Variants in PTPN2 observed in about 807,000 individuals in gnomAD.
PTPN2 encodes protein tyrosine phosphatase non-receptor type 2.
A neutral mutation model predicts 57.3 loss-of-function variants in PTPN2; 19 were observed. That is an observed-to-expected ratio of 0.33 (90% CI 0.23 to 0.49). The LOEUF (loss-of-function observed/expected upper bound fraction) is 0.49, where lower values mean the gene tolerates loss of function less well. Ranked by LOEUF, PTPN2 falls within the 20% of genes least tolerant of loss-of-function variation. PTPN2 has a pLI of 0.99. For synonymous variants in PTPN2, 153 were observed against 164.9 expected (o/e 0.93, Z 0.55); for missense variants, 358 against 501.1 (o/e 0.71, Z 2.73).
intron 2 of PTPN2, 60 bp from the exon 3 acceptor site, chr18:12,836,951 T>G: frequency 1.0e-6 from 1 of 997,016 alleles, no homozygotes; most frequent in Non-Finnish European, 1.6e-6. Context: ...TTTATCTTCA[T>G]ATTAATATTC....
At position 12,830,887 on chromosome 18, in the gene PTPN2, T is replaced by C. The variant is rs1377714099; in HGVS notation, c.360+56A>G. The C allele has an allele frequency of 3.0e-6, 4 of 1,321,560 alleles. No individual in the cohort carries two copies. The African/African-American group carries it at 5.8e-5, about 19-fold the overall frequency. The allele number at this position is 1,321,560 out of a possible 1,614,324, so 81.9% of individuals were successfully genotyped here. ...ATATTGGCCCCAAAATGAAAATCTT[T>C]ATATGCTAATGATCACATACAGTAT... On this transcript the variant is annotated intron_variant, in intron 4 of 8. Transcript: ENST00000309660.
At chr18:12,836,543 CT>C (rs1299966312) in intron 3 of PTPN2, among the ~76,000 whole-genome samples, 2 of 152,234 alleles carry the variant, frequency 1.3e-5, no homozygotes, top group Non-Finnish European at 1.5e-5. Flanking sequence ...TGCCAAAGAA[CT>C]GGCCTAAGCC....
chr18:12,847,558 G>A (rs1053719310), intron 2 of PTPN2, among the ~76,000 whole-genome samples: 10 of 151,800 alleles, frequency 6.6e-5, no homozygotes, highest in South Asian at 2.1e-4. Flanking sequence ...TCAATAGCCC[G>A]CAGGAATAAA....
chr18:12,821,870 G>A (rs577431021), intron 5 of PTPN2, among the ~76,000 whole-genome samples: 1 of 152,310 alleles, frequency 6.6e-6, no homozygotes, highest in Admixed American at 6.5e-5. Flanking sequence ...ATGGTGGAAA[G>A]ATTGCATCTG....
rs763240651 is a variant in PTPN2 at position 12,801,996 on chromosome 18, T to G, written c.1014A>C (p.Gln338His). Residue 338 changes from glutamine (Q) to histidine (H), a missense_variant, in exon 8 of 9, where the codon CAA becomes CAC. Gln to His is a conservative substitution (Grantham distance 24). Around this residue, in one of 4 missense-constraint regions of PTPN2, gnomAD observed 96 missense variants for 110.8 expected, o/e 0.87. Transcript: ENST00000309660. ...DRCTGLSSKM[Q>H]DTMEENSESA... ...TCTCACTGTTCTCCTCCATTGTATC[T>G]TGCATTTTAGAGGAAAGTCCTGTAC... is the stretch of plus-strand genomic sequence containing the variant. 1 of 1,609,376 alleles carries G rather than the reference T, an allele frequency of 6.2e-7. No homozygotes were observed. Among genetic ancestry groups the G allele is most frequent in the Non-Finnish European group, 8.5e-7 (1 of 1,178,396 alleles).
At chr18:12,837,008 T>C (rs1204846608) in intron 2 of PTPN2, 117 bp from the exon 3 acceptor site, 1 of 668,442 alleles carries the variant, frequency 1.5e-6, no homozygotes, top group Non-Finnish European at 2.5e-6. Context: ...TGAATTAGCA[T>C]CATAATAGAG....
intron 7 of PTPN2, among the ~76,000 whole-genome samples, chr18:12,812,923 ACT>A (rs952121077): frequency 3.9e-5 from 6 of 152,026 alleles, no homozygotes; most frequent in African/African-American, 1.4e-4. Context: ...ACTGTCAAAG[ACT>A]CCACAAAAAA....
At chr18:12,837,005 G>T in intron 2 of PTPN2, 114 bp from the exon 3 acceptor site, 1 of 674,354 alleles carries the variant, frequency 1.5e-6, no homozygotes, top group Non-Finnish European at 2.5e-6. Context: ...AAATGAATTA[G>T]CATCATAATA....
In PTPN2 at chr18:12,865,453, A is replaced by G. The variant is rs79936849; in HGVS notation, c.70-6199T>C. ...CTGTCTTTATTAAAAAAAAAAAAAA[A>G]AGAGAGAGGCGGGGCACAGTGGCTC... On this transcript the variant is annotated intron_variant, in intron 1 of 8. Transcript: ENST00000309660. Among the ~76,000 whole-genome samples the G allele has an allele frequency of 9.0e-3, 1,359 of 150,526 alleles. 22 individuals are homozygous for G. Among genetic ancestry groups the G allele is most frequent in the African/African-American group, 0.027 (1,109 of 40,892 alleles).
chr18:12,823,700 A>G (rs1166700077), intron 5 of PTPN2, among the ~76,000 whole-genome samples: 1 of 152,150 alleles, frequency 6.6e-6, no homozygotes, highest in Non-Finnish European at 1.5e-5. Context: ...AGGAGAACTA[A>G]TGAGATCAGT....
intron 1 of PTPN2, among the ~76,000 whole-genome samples, chr18:12,883,042 G>C (rs879743035): frequency 3.3e-5 from 5 of 152,158 alleles, no homozygotes; most frequent in African/African-American, 4.8e-5. Flanking sequence ...CGAATCACAG[G>C]TGTTTATACT....
intron 2 of PTPN2, among the ~76,000 whole-genome samples, chr18:12,838,809 C>T (rs1228449780): frequency 1.3e-5 from 2 of 151,996 alleles, no homozygotes; most frequent in Non-Finnish European, 2.9e-5. Flanking sequence ...CTTCTCAAGG[C>T]TGATTAAAAA....
chr18:12,858,687 T>C (rs1327700348), intron 2 of PTPN2, among the ~76,000 whole-genome samples: 1 of 152,236 alleles, frequency 6.6e-6, no homozygotes. Flanking sequence ...CCCAAGTTAT[T>C]ATTTATTTTT....
intron 8 of PTPN2, among the ~76,000 whole-genome samples, chr18:12,794,773 C>T (rs2041105738): frequency 6.6e-6 from 1 of 152,138 alleles, no homozygotes; most frequent in African/African-American, 2.4e-5. Flanking sequence ...AGGCGTGCAC[C>T]ACTATGCCCA....
At chr18:12,883,979 C>CGAGAGGCGG in intron 1 of PTPN2, 94 bp downstream of exon 1, 4 of 1,154,768 alleles carry the variant, frequency 3.5e-6, no homozygotes, top group Non-Finnish European at 4.8e-6. Flanking sequence ...AGGCTAGAGG[C>CGAGAGGCGG]GAGAGGCGGG....
At chr18:12,870,446 T>TAC (rs2044209563) in intron 1 of PTPN2, among the ~76,000 whole-genome samples, 2 of 22,636 alleles carry the variant, frequency 8.8e-5, no homozygotes, top group South Asian at 2.2e-3. Flanking sequence ...TATGTGTATA[T>TAC]ATATATATAT....
chr18:12,792,826 G>C lies in PTPN2; in HGVS notation c.*1452C>G. ...GGCTGGTCTTGAACTCCTGACCTCAGGTGATCTGCCCACTTCAGCCTCCCA... is the reference window on the plus strand; with the variant it reads ...GGCTGGTCTTGAACTCCTGACCTCACGTGATCTGCCCACTTCAGCCTCCCA... On this transcript the variant is annotated 3_prime_UTR_variant, in exon 9 of 9. Coordinates refer to ENST00000309660, the MANE Select transcript of PTPN2 (RefSeq NM_002828.4). 1 of 776,178 alleles carries C rather than the reference G, an allele frequency of 1.3e-6. No individual in the cohort carries two copies. Among genetic ancestry groups the C allele is most frequent in the Non-Finnish European group, 1.6e-6 (1 of 639,342 alleles). The allele number at this position is 776,178 out of a possible 1,614,324, so 48.1% of individuals were successfully genotyped here. A position where few individuals can be genotyped will look rare whatever the true frequency, so the allele number is the denominator to read the frequency against.
At chr18:12,819,322 GATCATGGTTTCTA>G in intron 5 of PTPN2, 1 of 959,028 alleles carries the variant, frequency 1.0e-6, no homozygotes, top group Non-Finnish European at 1.5e-6. Context: ...AAATTAAAAT[GATCATGGTTTCTA>G]CGCTTTAAGA....
intron 2 of PTPN2, among the ~76,000 whole-genome samples, chr18:12,854,891 T>C (rs1164956347): frequency 6.6e-6 from 1 of 152,112 alleles, no homozygotes; most frequent in Non-Finnish European, 1.5e-5. Context: ...TGGCTCACAC[T>C]TGTAATCCTA....
Sources: gnomAD v4.1 joint callset for allele counts (sites outside exome capture counted in the v4.1 genomes callset) on GRCh38, gnomAD v4.1.1 for gene constraint, gnomAD v4.1.1 regional missense constraint, MANE v1.5 for transcripts, NCBI Gene and HGNC (gene_info 2026-07-23, HGNC 2026-07-21) for gene names.